The following CCDC122 variants were observed in gnomAD, a reference collection of about 807,000 sequenced individuals.
CCDC122 encodes coiled-coil domain-containing protein 122.
CCDC122 carries 38 observed loss-of-function variants against 37.0 expected under a neutral mutation model. That is an observed-to-expected ratio of 1.03 (90% confidence interval 0.79 to 1.35). CCDC122 has a LOEUF of 1.35. CCDC122 is among the 40% of genes most tolerant of loss of function. The pLI, the probability that CCDC122 is intolerant of heterozygous loss-of-function variation, is 0.00. For synonymous variants in CCDC122, 83 were observed against 95.6 expected, an observed-to-expected ratio of 0.87 and a Z score of 0.77; for missense variants, 305 against 310.0, an observed-to-expected ratio of 0.98 and a Z score of 0.12.
chr13:43,840,531 A>AC (rs1212535777), intron 6 of CCDC122, among the ~76,000 whole-genome samples: 1 of 150,064 alleles, frequency 6.7e-6, no homozygotes, highest in Non-Finnish European at 1.5e-5. Context: ...CCTCCCCACT[A>AC]CCCCCACCCC....
intron 6 of CCDC122, among the ~76,000 whole-genome samples, chr13:43,850,815 T>A (rs186754606): frequency 5.6e-4 from 86 of 152,224 alleles, no homozygotes; most frequent in African/African-American, 1.9e-3. Context: ...AACTACAGAA[T>A]TGAGAAGCTG....
chr13:43,845,444 C>T (rs1355657197), intron 6 of CCDC122, among the ~76,000 whole-genome samples: 1 of 152,226 alleles, frequency 6.6e-6, no homozygotes, highest in African/African-American at 2.4e-5. Flanking sequence ...GACATAGTGG[C>T]TCATGCCTGT....
intron 6 of CCDC122, among the ~76,000 whole-genome samples, chr13:43,845,508 C>T (rs536472547): frequency 1.1e-4 from 17 of 152,114 alleles, no homozygotes; most frequent in Non-Finnish European, 2.1e-4. Context: ...GTCAGGAGTA[C>T]AAGACCAGCC....
chr13:43,859,066 C>T (rs1451394860), intron 5 of CCDC122, among the ~76,000 whole-genome samples, 169 bp from the exon 6 acceptor site: 1 of 152,008 alleles, frequency 6.6e-6, no homozygotes, highest in Non-Finnish European at 1.5e-5. Context: ...AGAACTGTTA[C>T]TCAAAGAAAC....
chr13:43,825,004 C>A (rs557541216), intron 3 of CCDC122, among the ~76,000 whole-genome samples: 29 of 152,252 alleles, frequency 1.9e-4, no homozygotes, highest in African/African-American at 6.7e-4. Context: ...TCTCAAAAAA[C>A]CAAAAATAGA....
At chr13:43,833,929 A>G (rs1032449968), downstream of CCDC122, among the ~76,000 whole-genome samples, 2 of 152,242 alleles carry the variant, frequency 1.3e-5, no homozygotes, top group East Asian at 1.9e-4. Flanking sequence ...ATTCTAAGCT[A>G]GGTTCAATTA....
At chr13:43,839,223 C>T (rs1163506443) in intron 6 of CCDC122, among the ~76,000 whole-genome samples, 3 of 152,192 alleles carry the variant, frequency 2.0e-5, no homozygotes, top group Non-Finnish European at 4.4e-5. Context: ...CCACCTGGTA[C>T]CCATTAGCAG....
intron 6 of CCDC122, among the ~76,000 whole-genome samples, chr13:43,838,087 G>C (rs912783844): frequency 6.6e-6 from 1 of 152,058 alleles, no homozygotes; most frequent in African/African-American, 2.4e-5. Context: ...CATAAATGTT[G>C]CCTGCCCACT....
chr13:43,863,677 G>GTGGGT (rs1954184865), intron 4 of CCDC122, among the ~76,000 whole-genome samples: 1 of 3,660 alleles, frequency 2.7e-4, no homozygotes, highest in Admixed American at 3.6e-3. Flanking sequence ...CTAGTGGGTT[G>GTGGGT]TGTGTGTGTG....
At chr13:43,866,499 G>A (rs1954281034) in intron 4 of CCDC122, among the ~76,000 whole-genome samples, 1 of 152,164 alleles carries the variant, frequency 6.6e-6, no homozygotes. Flanking sequence ...GACTGGGACT[G>A]CATTTCATGT....
upstream of CCDC122, chr13:43,879,740 T>TGAGGCGGAGCGAGGTGGGC (rs1555394114): frequency 7.7e-6 from 1 of 129,378 alleles, no homozygotes; most frequent in Non-Finnish European, 1.7e-5. Context: ...GCGAGGTAGG[T>TGAGGCGGAGCGAGGTGGGC]GAGGTGAGGC....
intron 2 of CCDC122, 132 bp downstream of exon 2, chr13:43,874,710 C>T (rs1367987114): frequency 6.6e-6 from 1 of 152,126 alleles, no homozygotes; most frequent in Non-Finnish European, 1.5e-5. Flanking sequence ...ACCGATAATT[C>T]ATTAGAATTG....
chr13:43,860,324 T>C (rs1954065859), intron 4 of CCDC122, among the ~76,000 whole-genome samples: 1 of 152,088 alleles, frequency 6.6e-6, no homozygotes, highest in African/African-American at 2.4e-5. Flanking sequence ...ATCTTGACAT[T>C]TTATATATGT....
chr13:43,826,719 G>A (rs900956886), intron 3 of CCDC122, among the ~76,000 whole-genome samples: 1 of 152,070 alleles, frequency 6.6e-6, no homozygotes, highest in Non-Finnish European at 1.5e-5. Flanking sequence ...TCAAAATAGA[G>A]GTTATTTTCA....
intron 6 of CCDC122, among the ~76,000 whole-genome samples, chr13:43,850,436 G>C (rs1018458433): frequency 5.3e-5 from 8 of 151,902 alleles, no homozygotes; most frequent in African/African-American, 1.9e-4. Flanking sequence ...AAACATGCCT[G>C]GAAAAAATGT....
intron 2 of CCDC122, among the ~76,000 whole-genome samples, chr13:43,871,669 T>C (rs973479250): frequency 1.3e-5 from 2 of 152,112 alleles, no homozygotes; most frequent in South Asian, 2.1e-4. Context: ...GTCCTTTCTA[T>C]TGTCAACCTT....
chr13:43,839,422 CTTAA>C (rs1156518278), intron 6 of CCDC122, among the ~76,000 whole-genome samples: 8 of 152,194 alleles, frequency 5.3e-5, no homozygotes, highest in African/African-American at 1.9e-4. Flanking sequence ...TGTAACAGAA[CTTAA>C]TTACTTTGTA....
chr13:43,872,021 G>C (rs946209576), intron 2 of CCDC122, among the ~76,000 whole-genome samples: 3 of 151,854 alleles, frequency 2.0e-5, no homozygotes, highest in Non-Finnish European at 4.4e-5. Context: ...CTAAATCCCT[G>C]AACGTTCAGT....
At chr13:43,819,228 G>C (rs1437010965), downstream of CCDC122, among the ~76,000 whole-genome samples, 2 of 152,184 alleles carry the variant, frequency 1.3e-5, no homozygotes, top group Non-Finnish European at 2.9e-5. Context: ...CTCATACATT[G>C]TTGGTGTGAT....
Sources: gnomAD v4.1 joint callset for allele counts (sites outside exome capture counted in the v4.1 genomes callset) on GRCh38, gnomAD v4.1.1 for gene constraint, MANE v1.5 for transcripts, NCBI Gene and HGNC (gene_info 2026-07-23, HGNC 2026-07-21) for gene names.